Variants in ZNF608 observed in about 807,000 individuals in gnomAD.
ZNF608 encodes zinc finger protein 608.
ZNF608 carries 12 observed loss-of-function variants against 109.0 expected under a neutral mutation model. The ratio of observed to expected loss-of-function variants is 0.11; its 90% CI spans 0.07 to 0.18. The LOEUF is 0.18. ZNF608 is among the 10% of genes least tolerant of loss of function. The pLI, the probability that ZNF608 is intolerant of heterozygous loss-of-function variation, is 1.00. For missense variants in ZNF608, 1,707 were observed against 1,879.3 expected (o/e 0.91, Z 1.70); for synonymous variants, 732 against 717.4 (o/e 1.02, Z -0.33).
chr5:124,662,766 T>C (rs1261794928), intron 3 of ZNF608, among the ~76,000 whole-genome samples: 1 of 152,190 alleles, frequency 6.6e-6, no homozygotes, highest in African/African-American at 2.4e-5. Flanking sequence ...TATTTCAGCA[T>C]CCTCCCAGGT....
At chr5:124,692,461 G>A (rs192887037) in intron 3 of ZNF608, among the ~76,000 whole-genome samples, 58 of 152,330 alleles carry the variant, frequency 3.8e-4, no homozygotes, top group African/African-American at 1.3e-3. Context: ...GGCTGAAAAT[G>A]ATGGTTTGTA....
At chr5:124,662,541 G>T (rs1023439587) in intron 3 of ZNF608, among the ~76,000 whole-genome samples, 1 of 152,148 alleles carries the variant, frequency 6.6e-6, no homozygotes, top group African/African-American at 2.4e-5. Context: ...CCTATTGTTC[G>T]CATTATTCTC....
intron 3 of ZNF608, among the ~76,000 whole-genome samples, chr5:124,674,925 T>A (rs573234831): frequency 6.6e-6 from 1 of 152,278 alleles, no homozygotes; most frequent in Admixed American, 6.5e-5. Flanking sequence ...AAAATGACTT[T>A]AATATGCAGT....
intron 2 of ZNF608, among the ~76,000 whole-genome samples, chr5:124,701,470 C>G (rs898474281): frequency 6.6e-6 from 1 of 152,136 alleles, no homozygotes; most frequent in African/African-American, 2.4e-5. Flanking sequence ...ATAAGCTAAA[C>G]ATGAGAGCGC....
At chr5:124,746,884 G>A, upstream of ZNF608, 1 of 591,750 alleles carries the variant, frequency 1.7e-6, no homozygotes, top group Non-Finnish European at 2.1e-6. Context: ...GTGTGGAGGA[G>A]GAGACAGCAG....
intron 3 of ZNF608, among the ~76,000 whole-genome samples, chr5:124,669,217 TC>T (rs1751611810): frequency 6.6e-6 from 1 of 151,956 alleles, no homozygotes; most frequent in African/African-American, 2.4e-5. Flanking sequence ...TGACTCAGCA[TC>T]CCCCACCGAA....
At chr5:124,700,955 C>T (rs1753026949) in intron 3 of ZNF608, 59 bp downstream of exon 3, 2 of 1,594,554 alleles carry the variant, frequency 1.3e-6, no homozygotes, top group Non-Finnish European at 1.7e-6. Context: ...CACAGGTGGA[C>T]ATAAATACAT....
intron 3 of ZNF608, among the ~76,000 whole-genome samples, chr5:124,688,884 A>G (rs113455712): frequency 0.011 from 1,680 of 152,322 alleles, 40 homozygotes; most frequent in African/African-American, 0.038. Flanking sequence ...GTTAAGATTA[A>G]AAGAAGGCAA....
At chr5:124,670,403 C>T (rs1175936058) in intron 3 of ZNF608, among the ~76,000 whole-genome samples, 1 of 150,872 alleles carries the variant, frequency 6.6e-6, no homozygotes, top group African/African-American at 2.4e-5. Flanking sequence ...AAAATATGAA[C>T]GTCTTGATAT....
chr5:124,728,892 C>G (rs1292871246), intron 2 of ZNF608, among the ~76,000 whole-genome samples: 1 of 152,166 alleles, frequency 6.6e-6, no homozygotes, highest in Non-Finnish European at 1.5e-5. Context: ...CCCCATGACA[C>G]ATCACTCTTC....
At chr5:124,708,002 G>A (rs773101457) in intron 2 of ZNF608, 1 of 152,202 alleles carries the variant, frequency 6.6e-6, no homozygotes, top group Non-Finnish European at 1.5e-5. Flanking sequence ...TTCTCACAAA[G>A]GGTCTAAGGT....
Position 124,701,120 on chromosome 5 carries a change from G to A in ZNF608, c.1056C>T (p.Val352=). ...QLLVRTRSVG[V]NTCEVGVVTE... Reference sequence around the variant, plus strand: ...TCACTACTCCAACTTCACATGTATTGACACCCACAGAACGAGTCCGAACCA... The same window carrying A: ...TCACTACTCCAACTTCACATGTATTAACACCCACAGAACGAGTCCGAACCA... Residue 352 remains valine (V), a synonymous_variant, in exon 3 of 10, where the codon GTC becomes GTT. Coordinates refer to ENST00000513986, the MANE Select transcript of ZNF608 (RefSeq NM_020747.3). The A allele has an allele frequency of 6.2e-7, 1 of 1,614,112 alleles. No homozygotes were observed. Among genetic ancestry groups the A allele is most frequent in the Non-Finnish European group, 8.5e-7 (1 of 1,180,014 alleles).
At chr5:124,699,306 G>A (rs1457531236) in intron 3 of ZNF608, among the ~76,000 whole-genome samples, 1 of 152,170 alleles carries the variant, frequency 6.6e-6, no homozygotes, top group Non-Finnish European at 1.5e-5. Context: ...CCCCACATGG[G>A]ACCCCTTGTA....
At chr5:124,644,115 C>A (rs772913294) in intron 6 of ZNF608, 129 bp downstream of exon 6, 126 of 867,974 alleles carry the variant, frequency 1.5e-4, no homozygotes, top group Non-Finnish European at 1.9e-4. Context: ...ATCTTTGGGA[C>A]TTTAAACAGC....
At chr5:124,693,903 A>C (rs1347085678) in intron 3 of ZNF608, among the ~76,000 whole-genome samples, 1 of 144,422 alleles carries the variant, frequency 6.9e-6, no homozygotes, top group Admixed American at 7.0e-5. Flanking sequence ...TTGTACGCCT[A>C]TGTGAAGACC....
chr5:124,721,984 C>CAA (rs1305004550), intron 2 of ZNF608, among the ~76,000 whole-genome samples: 1 of 104,496 alleles, frequency 9.6e-6, no homozygotes, highest in African/African-American at 3.5e-5. Context: ...AACTCAAAGC[C>CAA]AAATCATCAA....
chr5:124,656,799 AACACACACACACACACAC>A (rs35634231), intron 3 of ZNF608, among the ~76,000 whole-genome samples: 61 of 123,978 alleles, frequency 4.9e-4, no homozygotes, highest in East Asian at 9.3e-4. Context: ...ATAAGCCCTA[AACACACACACACACACAC>A]ACACACACAC....
rs116505820 is a variant in ZNF608, at chr5:124,644,804, G to T, written c.3706-143C>A. 2,595 of 729,632 alleles carry T rather than the reference G, an allele frequency of 3.6e-3. 48 individuals are homozygous for T. In the African/African-American group the frequency reaches 0.04, roughly 11 times the overall value. 45.2% of individuals were successfully genotyped at this position (729,632 alleles called of 1,614,324 possible). A position where few individuals can be genotyped will look rare whatever the true frequency, so the allele number is the denominator to read the frequency against. ...GACATTTATTTCTGTGCTAGACACT[G>T]TGCTAATTGCTTTACCTCCTTCTCT... On this transcript the variant is annotated intron_variant, in intron 5 of 9. Transcript: ENST00000513986.
chr5:124,666,633 C>A (rs1459887990), intron 3 of ZNF608, among the ~76,000 whole-genome samples: 3 of 152,090 alleles, frequency 2.0e-5, no homozygotes, highest in African/African-American at 7.2e-5. Flanking sequence ...TCCGCTCCCC[C>A]AGCCCTGGAA....
Sources: allele counts gnomAD v4.1 joint callset (sites outside exome capture counted in the v4.1 genomes callset), GRCh38; gene constraint gnomAD v4.1.1; transcripts MANE v1.5; gene names NCBI Gene and HGNC (gene_info 2026-07-23, HGNC 2026-07-21).